The following CELF2 variants were observed in gnomAD, a reference collection of about 807,000 sequenced individuals.
CELF2 encodes CUG triplet repeat RNA-binding protein 2.
A neutral mutation model predicts 62.6 loss-of-function variants in CELF2; 8 were observed. That is an observed-to-expected ratio of 0.13 (90% CI 0.07 to 0.23). The LOEUF (loss-of-function observed/expected upper bound fraction) is 0.23. CELF2 is among the 10% of genes least tolerant of loss of function. The probability of loss-of-function intolerance (pLI) is 1.00; values close to 1 mark genes in which losing one functional copy is unlikely to be tolerated. For synonymous variants in CELF2, 258 were observed against 250.0 expected, an observed-to-expected ratio of 1.03 and a Z score of -0.30; for missense variants, 333 against 671.0, an observed-to-expected ratio of 0.50 and a Z score of 5.56.
chr10:10,770,920 A>C, the CELF2 span, among the ~76,000 whole-genome samples: 2 of 152,192 alleles, frequency 1.3e-5, no homozygotes, highest in Non-Finnish European at 1.5e-5. Context: ...TGCTGTTTAA[A>C]TACTAAGCCC....
At chr10:10,597,165 G>C in the CELF2 span, among the ~76,000 whole-genome samples, 2 of 152,184 alleles carry the variant, frequency 1.3e-5, no homozygotes, top group African/African-American at 4.8e-5. Context: ...ATCAGGGATA[G>C]AAAGAGATTT....
chr10:10,490,568 TGG>T, the CELF2 span, among the ~76,000 whole-genome samples: 8 of 150,674 alleles, frequency 5.3e-5, no homozygotes, highest in East Asian at 1.9e-4. Context: ...TCTATCTGGT[TGG>T]GGGGGGGTGG....
At chr10:10,511,895 T>C in the CELF2 span, among the ~76,000 whole-genome samples, 1 of 152,184 alleles carries the variant, frequency 6.6e-6, no homozygotes, top group African/African-American at 2.4e-5. Context: ...GTCCCCCTTT[T>C]CAAATTGATT....
At chr10:11,158,075 G>A (rs1012260498) in intron 1 of CELF2, among the ~76,000 whole-genome samples, 1 of 152,148 alleles carries the variant, frequency 6.6e-6, no homozygotes, top group Non-Finnish European at 1.5e-5. Flanking sequence ...CCCTATATTT[G>A]TCTTCATCTT....
At chr10:11,213,152 C>T (rs980023532) in intron 2 of CELF2, among the ~76,000 whole-genome samples, 2 of 152,194 alleles carry the variant, frequency 1.3e-5, no homozygotes, top group Non-Finnish European at 2.9e-5. Flanking sequence ...AGGTGGGTTT[C>T]CCAGAATGAA....
intron 3 of CELF2, among the ~76,000 whole-genome samples, chr10:11,232,772 A>G (rs1464076695): frequency 1.3e-5 from 2 of 152,078 alleles, no homozygotes; most frequent in Non-Finnish European, 2.9e-5. Context: ...GATAGGAGAT[A>G]GCCCACATTC....
At chr10:10,854,542 A>G (rs553799838) in intron 1 of CELF2, among the ~76,000 whole-genome samples, 1 of 152,274 alleles carries the variant, frequency 6.6e-6, no homozygotes, top group East Asian at 1.9e-4. Context: ...ATTATTGGCA[A>G]AAATGATTCC....
At position 11,010,330 on chromosome 10, in the gene CELF2, G is replaced by T. The variant is rs1183005378; in HGVS notation, c.53+4890G>T. On this transcript the variant is annotated intron_variant, in intron 1 of 12. Transcript: ENST00000416382. The surrounding 1 kb of genome is among the most constrained non-coding windows in gnomAD (Gnocchi z 4.1). ...TAACCTCCCTCTTCCCTCTGGGTCTGGCTACAGGCCTTAGAAGTATCAGTG... is the reference window on the plus strand; with the variant it reads ...TAACCTCCCTCTTCCCTCTGGGTCTTGCTACAGGCCTTAGAAGTATCAGTG... 4 of 152,244 alleles carry T rather than the reference G, an allele frequency of 2.6e-5. No individual in the cohort carries two copies. The highest frequency in any genetic ancestry group is 4.4e-5 in the Non-Finnish European group (3 of 68,080). 9.4% of individuals were successfully genotyped at this position (152,244 alleles called of 1,614,324 possible).
intron 2 of CELF2, among the ~76,000 whole-genome samples, chr10:10,948,649 T>G (rs1056264545): frequency 2.0e-5 from 3 of 152,186 alleles, no homozygotes; most frequent in Non-Finnish European, 4.4e-5. Context: ...CTGGGAGGGC[T>G]GCCTCTTTGC....
chr10:11,030,916 A>G (rs1056713595), intron 1 of CELF2: 1 of 152,380 alleles, frequency 6.6e-6, no homozygotes, highest in East Asian at 1.9e-4. Flanking sequence ...TTAATGCCTG[A>G]GGCAGATTCT....
chr10:10,615,615 G>A, the CELF2 span, among the ~76,000 whole-genome samples: 311 of 152,172 alleles, frequency 2.0e-3, 1 homozygote, highest in Non-Finnish European at 3.4e-3. Flanking sequence ...ATTGGACCAC[G>A]GGGGCAGATT....
intron 2 of CELF2, among the ~76,000 whole-genome samples, chr10:10,986,794 A>C (rs987070614): frequency 1.3e-5 from 2 of 152,176 alleles, no homozygotes; most frequent in Non-Finnish European, 2.9e-5. Context: ...ACAGGGAGGA[A>C]TGTGTGAGAT....
At chr10:11,171,220 A>G (rs1017963848) in intron 2 of CELF2, 4 of 152,232 alleles carry the variant, frequency 2.6e-5, no homozygotes, top group African/African-American at 9.6e-5. Flanking sequence ...TTCTGGATGG[A>G]TCAGAAATTG....
At chr10:10,648,327 T>G in the CELF2 span, among the ~76,000 whole-genome samples, 1 of 152,184 alleles carries the variant, frequency 6.6e-6, no homozygotes, top group African/African-American at 2.4e-5. Context: ...AGCACTTCCT[T>G]TCATCATGTC....
intron 2 of CELF2, among the ~76,000 whole-genome samples, chr10:11,192,779 G>A (rs946128775): frequency 3.9e-5 from 6 of 152,140 alleles, no homozygotes; most frequent in Non-Finnish European, 8.8e-5. Flanking sequence ...ATCACCTAGA[G>A]GAATTGAAAC....
intron 2 of CELF2, among the ~76,000 whole-genome samples, chr10:10,973,573 A>G (rs972421407): frequency 2.6e-5 from 4 of 152,080 alleles, no homozygotes; most frequent in Non-Finnish European, 5.9e-5. Context: ...GATGTAATAC[A>G]CAACAGCATG....
rs959292263 is a variant in CELF2 at position 11,333,665 on chromosome 10, G to C, written c.*4612G>C. On this transcript the variant is annotated 3_prime_UTR_variant, in exon 13 of 13. Transcript: ENST00000633077. ...ATGTTTGTAGATTAATAATCATTTT[G>C]TTTAGAATTACAAAATAGTTTTTAA... 1.3e-5 allele frequency: 2 copies of C among 152,406 alleles called. No homozygotes were observed. The highest frequency in any genetic ancestry group is 4.8e-5 in the African/African-American group (2 of 41,366). The allele number at this position is 152,406 out of a possible 1,614,324, so 9.4% of individuals were successfully genotyped here.
Position 10,990,988 on chromosome 10 carries a change from T to C in CELF2, c.89+70989T>C, listed in dbSNP as rs2053367220. 6.6e-6 allele frequency among the ~76,000 whole-genome samples: 1 copy of C among 152,236 alleles called. No individual in the cohort carries two copies. The highest frequency in any genetic ancestry group is 1.9e-4 in the East Asian group (1 of 5,180). On this transcript the variant is annotated intron_variant, in intron 2 of 13. Transcript: ENST00000636488. The surrounding 1 kb of genome is among the most constrained non-coding windows in gnomAD (Gnocchi z 4.6). ...TTTTGCGTGTGTGTGTGTGTGTGTG[T>C]GCCCACACGTGTGTGTTGTTTTGTT...
At chr10:10,648,726 G>A in the CELF2 span, among the ~76,000 whole-genome samples, 1 of 152,096 alleles carries the variant, frequency 6.6e-6, no homozygotes, top group Non-Finnish European at 1.5e-5. Context: ...TGGTAATTTT[G>A]TTTCTTAATA....
Sources: gnomAD v4.1 joint callset for allele counts (sites outside exome capture counted in the v4.1 genomes callset) on GRCh38, gnomAD v4.1.1 for gene constraint, Gnocchi (gnomAD v3.1) non-coding constraint, MANE v1.5 for transcripts, NCBI Gene and HGNC (gene_info 2026-07-23, HGNC 2026-07-21) for gene names.